ARHGAP25: variants seen among roughly 807,000 people sequenced by gnomAD.
The protein encoded by ARHGAP25 is rho GTPase-activating protein 25.
Under a neutral mutation model 71.0 loss-of-function variants are expected in ARHGAP25, and 34 were observed. That is an observed-to-expected ratio of 0.48 (90% CI 0.36 to 0.64). The LOEUF (loss-of-function observed/expected upper bound fraction) is 0.64. ARHGAP25 is among the 30% of genes least tolerant of loss of function. ARHGAP25 has a pLI of 0.00. For missense variants in ARHGAP25, 706 were observed against 805.1 expected (o/e 0.88, Z 1.49); for synonymous variants, 282 against 296.5 (o/e 0.95, Z 0.50).
At chr2:68,747,044 G>A (rs112737187) in intron 1 of ARHGAP25, among the ~76,000 whole-genome samples, 41 of 147,058 alleles carry the variant, frequency 2.8e-4, no homozygotes, top group African/African-American at 1.0e-3. Flanking sequence ...GTGTCCCCAT[G>A]TATCTTCTTG....
At chr2:68,745,526 T>G (rs1025854756) in intron 1 of ARHGAP25, among the ~76,000 whole-genome samples, 1 of 152,202 alleles carries the variant, frequency 6.6e-6, no homozygotes, top group Non-Finnish European at 1.5e-5. Flanking sequence ...TTCCTCATCA[T>G]AACCCCTAAC....
At chr2:68,813,543 T>G (rs896337917) in intron 6 of ARHGAP25, 124 bp downstream of exon 6, 6 of 1,086,506 alleles carry the variant, frequency 5.5e-6, no homozygotes, top group Admixed American at 6.0e-5. Context: ...AAATGCAACT[T>G]CCTCAGCAAC....
chr2:68,813,506 GGGCCTGTACTTTTT>G (rs1370524243), intron 6 of ARHGAP25, 87 bp downstream of exon 6: 46 of 1,447,380 alleles, frequency 3.2e-5, no homozygotes, highest in Non-Finnish European at 4.1e-5. Context: ...GTGGGTCAAG[GGGCCTGTACTTTTT>G]GGTAAGATAG....
chr2:68,820,855 TTCTC>T (rs377534982), intron 9 of ARHGAP25, among the ~76,000 whole-genome samples: 2 of 150,758 alleles, frequency 1.3e-5, no homozygotes, highest in East Asian at 2.0e-4. Flanking sequence ...TGTAGTATAA[TTCTC>T]TCTCTCTCTA....
At chr2:68,729,615 A>G (rs1674965419) in intron 2 of ARHGAP25, among the ~76,000 whole-genome samples, 1 of 152,248 alleles carries the variant, frequency 6.6e-6, no homozygotes, top group African/African-American at 2.4e-5. Flanking sequence ...AAAATGATTT[A>G]TAATAAAAGC....
chr2:68,731,817 C>G (rs1009228175), upstream of ARHGAP25, among the ~76,000 whole-genome samples: 5 of 151,680 alleles, frequency 3.3e-5, no homozygotes, highest in Non-Finnish European at 5.9e-5. Flanking sequence ...CATATACACC[C>G]CCCCTAGCTC....
At chr2:68,723,994 T>G (rs1038447650) in intron 2 of ARHGAP25, among the ~76,000 whole-genome samples, 1 of 152,088 alleles carries the variant, frequency 6.6e-6, no homozygotes, top group Admixed American at 6.5e-5. Context: ...CCACCTCGGC[T>G]ACCTGAGTAG....
At chr2:68,783,415 T>A (rs1190284569) in intron 3 of ARHGAP25, among the ~76,000 whole-genome samples, 2 of 152,156 alleles carry the variant, frequency 1.3e-5, no homozygotes, top group African/African-American at 4.8e-5. Flanking sequence ...TTTACAAAAA[T>A]TTTTAAGTTT....
Position 68,826,343 on chromosome 2 carries a change from T to C in ARHGAP25, c.*149T>C, listed in dbSNP as rs571088994. On this transcript the variant is annotated 3_prime_UTR_variant, in exon 11 of 11. Coordinates refer to ENST00000409202, the MANE Select transcript of ARHGAP25 (RefSeq NM_001007231.3). ...TCAAATTTCCCCATAAATAAATGAA[T>C]GGAGTTTGCAGGAAGGTGAGGGTGA... is the stretch of plus-strand genomic sequence containing the variant. The C allele has an allele frequency of 1.3e-6, 1 of 796,782 alleles. No homozygotes were observed. The highest frequency in any genetic ancestry group is 1.5e-5 in the South Asian group (1 of 68,702). The allele number at this position is 796,782 out of a possible 1,614,324, so 49.4% of individuals were successfully genotyped here. A position where few individuals can be genotyped will look rare whatever the true frequency, so the allele number is the denominator to read the frequency against.
intron 2 of ARHGAP25, among the ~76,000 whole-genome samples, chr2:68,722,726 C>T (rs997478719): frequency 3.2e-4 from 48 of 152,264 alleles, no homozygotes; most frequent in African/African-American, 1.1e-3. Flanking sequence ...CACTCTGGCT[C>T]GAGGGCCCAT....
chr2:68,796,153 T>C (rs556148718), intron 4 of ARHGAP25, among the ~76,000 whole-genome samples: 1 of 152,334 alleles, frequency 6.6e-6, no homozygotes, highest in East Asian at 1.9e-4. Context: ...ATTCCTCCAA[T>C]AAATGTATTT....
intron 1 of ARHGAP25, among the ~76,000 whole-genome samples, chr2:68,765,757 G>A (rs934994200): frequency 6.6e-6 from 1 of 152,140 alleles, no homozygotes; most frequent in African/African-American, 2.4e-5. Flanking sequence ...CTTTTTATCA[G>A]GTTGTAGAAT....
intron 2 of ARHGAP25, among the ~76,000 whole-genome samples, chr2:68,723,327 G>A (rs1226912101): frequency 6.6e-6 from 1 of 152,190 alleles, no homozygotes; most frequent in Non-Finnish European, 1.5e-5. Context: ...AGCCTATAAA[G>A]TTAGCCTTCT....
chr2:68,723,864 A>ATC (rs141110404), intron 2 of ARHGAP25, among the ~76,000 whole-genome samples: 7 of 148,432 alleles, frequency 4.7e-5, no homozygotes, highest in Admixed American at 1.3e-4. Context: ...GTGGGAGTAA[A>ATC]TCTCTCTCTC....
At chr2:68,814,612 A>G (rs548738108) in intron 6 of ARHGAP25, among the ~76,000 whole-genome samples, 4 of 152,320 alleles carry the variant, frequency 2.6e-5, no homozygotes, top group African/African-American at 9.6e-5. Flanking sequence ...TTCAAAATTT[A>G]TTAGATAGTC....
intron 1 of ARHGAP25, among the ~76,000 whole-genome samples, chr2:68,740,498 T>C (rs1320260069): frequency 6.6e-6 from 1 of 152,186 alleles, no homozygotes; most frequent in Non-Finnish European, 1.5e-5. Context: ...CTTCCAGCTC[T>C]TTCTCATCTG....
chr2:68,757,272 A>G (rs1034711701), intron 1 of ARHGAP25, among the ~76,000 whole-genome samples: 1 of 152,144 alleles, frequency 6.6e-6, no homozygotes, highest in African/African-American at 2.4e-5. Context: ...ATGATGGAAA[A>G]CTTCCCAAAT....
chr2:68,798,887 G>T (rs755704194), intron 4 of ARHGAP25, among the ~76,000 whole-genome samples: 4 of 152,168 alleles, frequency 2.6e-5, no homozygotes, highest in Non-Finnish European at 4.4e-5. Flanking sequence ...AAGGATGTTG[G>T]TCTTCATCCT....
chr2:68,737,345 G>A (rs1056539638), intron 1 of ARHGAP25, among the ~76,000 whole-genome samples: 2 of 152,192 alleles, frequency 1.3e-5, no homozygotes, highest in African/African-American at 4.8e-5. Flanking sequence ...GGAACTGGGA[G>A]TTATGTCAGG....
Sources: gnomAD v4.1 joint callset for allele counts (sites outside exome capture counted in the v4.1 genomes callset) on GRCh38, gnomAD v4.1.1 for gene constraint, MANE v1.5 for transcripts, NCBI Gene and HGNC (gene_info 2026-07-23, HGNC 2026-07-21) for gene names.